The following FAS variants were observed in gnomAD, a reference collection of about 807,000 sequenced individuals.
FAS encodes the protein Fas cell surface death receptor, also known as tumor necrosis factor receptor superfamily member 6.
A neutral mutation model predicts 33.2 loss-of-function variants in FAS; 5 were observed. That is an observed-to-expected ratio of 0.15 (90% CI 0.08 to 0.32). The LOEUF (loss-of-function observed/expected upper bound fraction) is 0.32. Ranked by LOEUF, FAS falls within the 10% of genes least tolerant of loss-of-function variation. The probability of loss-of-function intolerance (pLI) is 1.00; values close to 1 mark genes in which losing one functional copy is unlikely to be tolerated. For missense variants in FAS, 339 were observed against 386.0 expected, an observed-to-expected ratio of 0.88 and a Z score of 1.02; for synonymous variants, 131 against 130.7, an observed-to-expected ratio of 1.00 and a Z score of -0.01.
At chr10:89,005,642 T>G (rs1332957553) in intron 2 of FAS, among the ~76,000 whole-genome samples, 1 of 152,146 alleles carries the variant, frequency 6.6e-6, no homozygotes, top group Non-Finnish European at 1.5e-5. Context: ...GTTTGTTTGT[T>G]TGTCTGTTTT....
At chr10:88,989,648 T>G (rs1232343160), upstream of FAS, 1 of 500,562 alleles carries the variant, frequency 2.0e-6, no homozygotes, top group African/African-American at 2.0e-5. Flanking sequence ...TAACCTAGAT[T>G]TGAGGGCCCA....
At chr10:88,987,018 GATTACCT>G (rs988307100), upstream of FAS, among the ~76,000 whole-genome samples, 27 of 152,290 alleles carry the variant, frequency 1.8e-4, no homozygotes, top group African/African-American at 6.3e-4. Flanking sequence ...TAGATTCACA[GATTACCT>G]ATCCAAATCT....
chr10:89,013,991 C>A, intron 8 of FAS, 128 bp from the exon 9 acceptor site: 1 of 918,206 alleles, frequency 1.1e-6, no homozygotes, highest in Non-Finnish European at 1.6e-6. Flanking sequence ...TTCCCCTAGT[C>A]AGCTCTTCAT....
At chr10:88,984,169 G>A (rs1846802869), upstream of FAS, among the ~76,000 whole-genome samples, 3 of 152,200 alleles carry the variant, frequency 2.0e-5, no homozygotes, top group South Asian at 6.2e-4. Context: ...ACTATAGGAA[G>A]TTATAACATC....
At chr10:88,994,165 A>G (rs1473323745) in intron 1 of FAS, among the ~76,000 whole-genome samples, 1 of 152,224 alleles carries the variant, frequency 6.6e-6, no homozygotes, top group Admixed American at 6.5e-5. Context: ...ACATAGGAGA[A>G]GTGTCAGTGT....
upstream of FAS, among the ~76,000 whole-genome samples, chr10:88,988,974 G>A (rs1208778338): frequency 2.0e-5 from 3 of 152,208 alleles, no homozygotes; most frequent in Non-Finnish European, 4.4e-5. Context: ...TTAGACGTAC[G>A]TGGGCAGAGG....
At chr10:88,988,973 C>T (rs552824389), upstream of FAS, among the ~76,000 whole-genome samples, 3 of 152,268 alleles carry the variant, frequency 2.0e-5, no homozygotes, top group South Asian at 2.1e-4. Context: ...ATTAGACGTA[C>T]GTGGGCAGAG....
upstream of FAS, chr10:88,990,536 C>A (rs1305114134): frequency 3.2e-6 from 2 of 618,662 alleles, no homozygotes; most frequent in Non-Finnish European, 6.0e-6. The surrounding 1 kb of genome is among the most constrained non-coding windows in gnomAD (Gnocchi z 4.9). Flanking sequence ...CCCTCCCTAC[C>A]CGCGCGCAGG....
upstream of FAS, among the ~76,000 whole-genome samples, chr10:88,984,899 A>G (rs1326847337): frequency 6.6e-6 from 1 of 152,174 alleles, no homozygotes; most frequent in Non-Finnish European, 1.5e-5. Flanking sequence ...AAAATATGGT[A>G]TTCTTCATGG....
intron 4 of FAS, among the ~76,000 whole-genome samples, chr10:89,009,425 G>A (rs1848413983): frequency 6.6e-6 from 1 of 152,220 alleles, no homozygotes; most frequent in Non-Finnish European, 1.5e-5. Flanking sequence ...AAAAGAAAGA[G>A]CATTAACAGG....
At chr10:88,972,506 T>C (rs1846470583) in intron 1 of FAS, among the ~76,000 whole-genome samples, 2 of 152,202 alleles carry the variant, frequency 1.3e-5, no homozygotes, top group Admixed American at 6.5e-5. Flanking sequence ...TTTTGCCTTT[T>C]TTGTTGTTCT....
At position 89,003,049 on chromosome 10, in the gene FAS, A is replaced by G; in HGVS notation, c.51A>G (p.Arg17=). The G allele has an allele frequency of 6.2e-7, 1 of 1,614,140 alleles. No individual in the cohort carries two copies. The highest frequency in any genetic ancestry group is 8.5e-7 in the Non-Finnish European group (1 of 1,179,980). Residue 17 remains arginine, a synonymous_variant, in exon 2 of 9, where the codon AGA becomes AGG. Coordinates refer to ENST00000652046, the MANE Select transcript of FAS (RefSeq NM_000043.6). ...LLPLVLTSVA[R]LSSKSVNAQV... is the part of the protein sequence containing the mutation. Reference sequence around the variant, plus strand: ...TACAGGTTCTTACGTCTGTTGCTAGATTATCGTCCAAAAGTGTTAATGCCC... The same window carrying G: ...TACAGGTTCTTACGTCTGTTGCTAGGTTATCGTCCAAAAGTGTTAATGCCC...
chr10:88,982,243 T>C (rs1427550317), upstream of FAS, among the ~76,000 whole-genome samples: 1 of 152,198 alleles, frequency 6.6e-6, no homozygotes, highest in African/African-American at 2.4e-5. Flanking sequence ...TTTATGAGCA[T>C]TGAATGAAAT....
Position 89,014,627 on chromosome 10 carries a change from T to C in FAS, c.*177T>C. ...TCTCATGATTCTGCCTCCAAGGATG[T>C]TTAAAATCTAGTTGGGAAAACAAAC... is the stretch of plus-strand genomic sequence containing the variant. On this transcript the variant is annotated 3_prime_UTR_variant, in exon 9 of 9. Transcript: ENST00000652046. 1.3e-6 allele frequency: 1 copy of C among 766,798 alleles called. No individual in the cohort carries two copies. Among genetic ancestry groups the C allele is most frequent in the Non-Finnish European group, 2.2e-6 (1 of 447,578 alleles). The allele number at this position is 766,798 out of a possible 1,614,324, so 47.5% of individuals were successfully genotyped here.
At chr10:88,991,588 CT>C (rs1240153148) in intron 1 of FAS, 1 of 154,284 alleles carries the variant, frequency 6.5e-6, no homozygotes, top group African/African-American at 2.4e-5. Flanking sequence ...GAAAAAGAAA[CT>C]GCCTTGTCTC....
chr10:88,966,985 G>T (rs1033122823), intron 1 of FAS, among the ~76,000 whole-genome samples: 1 of 152,176 alleles, frequency 6.6e-6, no homozygotes, highest in Non-Finnish European at 1.5e-5. Flanking sequence ...CTCAAACAGC[G>T]CCAAGAGGGC....
intron 1 of FAS, among the ~76,000 whole-genome samples, chr10:88,998,483 C>T (rs1295414625): frequency 6.6e-6 from 1 of 152,132 alleles, no homozygotes; most frequent in East Asian, 1.9e-4. Flanking sequence ...TGTCACCAGT[C>T]ACATTGGATT....
upstream of FAS, among the ~76,000 whole-genome samples, chr10:88,983,976 CA>C (rs142551516): frequency 0.14 from 21,992 of 151,924 alleles, 1,924 homozygotes; most frequent in East Asian, 0.42. Flanking sequence ...GTTGCCTGGA[CA>C]AAAAACTCTT....
chr10:88,971,132 T>C (rs1319627658), intron 1 of FAS, among the ~76,000 whole-genome samples: 3 of 152,240 alleles, frequency 2.0e-5, no homozygotes, highest in Non-Finnish European at 4.4e-5. Context: ...ATTGTAGATT[T>C]GGGCAGAAAA....
Sources: gnomAD v4.1 joint callset for allele counts (sites outside exome capture counted in the v4.1 genomes callset) on GRCh38, gnomAD v4.1.1 for gene constraint, Gnocchi (gnomAD v3.1) non-coding constraint, MANE v1.5 for transcripts, NCBI Gene and HGNC (gene_info 2026-07-23, HGNC 2026-07-21) for gene names.